DNAH3: variants seen among roughly 807,000 people sequenced by gnomAD.
The protein encoded by DNAH3 is dynein axonemal heavy chain 3.
DNAH3 carries 332 observed loss-of-function variants against 432.5 expected under a neutral mutation model. The observed-to-expected ratio is 0.77, with a 90% confidence interval of 0.70 to 0.84. The LOEUF is 0.84. Among genes scored for constraint, DNAH3 ranks in the 40% least tolerant of loss-of-function variants. DNAH3 has a pLI of 0.00. For missense variants in DNAH3, 4,861 were observed against 5,114.0 expected (o/e 0.95, Z 1.51); for synonymous variants, 1,956 against 1,900.2 (o/e 1.03, Z -0.76).
chr16:20,997,203 C>T, intron 44 of DNAH3, 80 bp downstream of exon 44: 1 of 1,484,476 alleles, frequency 6.7e-7, no homozygotes, highest in Non-Finnish European at 9.2e-7. Context: ...GACTGTGGCA[C>T]ACCAACCCAC....
chr16:21,154,133 G>A (rs143342442), intron 1 of DNAH3, among the ~76,000 whole-genome samples: 1 of 152,236 alleles, frequency 6.6e-6, no homozygotes, highest in Non-Finnish European at 1.5e-5. Context: ...GCCAGGCGCG[G>A]TGGCCCATGC....
rs559680824 is a variant in DNAH3 at position 20,989,458 on chromosome 16, C to G, written c.6602-1393G>C. The stretch of plus-strand genomic sequence containing the variant: ...ACCAGAGCAGCTAGATACAGAGTGT[C>G]GATTGGTGCACTCACAAACCTTCAG... On this transcript the variant is annotated intron_variant, in intron 44 of 61. Transcript: ENST00000261383. 6.0e-3 allele frequency among the ~76,000 whole-genome samples: 894 copies of G among 148,066 alleles called. 10 individuals carry two copies. Among genetic ancestry groups the G allele is most frequent in the African/African-American group, 0.021 (844 of 40,030 alleles).
At chr16:21,099,504 A>G (rs1466590481) in intron 16 of DNAH3, among the ~76,000 whole-genome samples, 1 of 152,214 alleles carries the variant, frequency 6.6e-6, no homozygotes, top group African/African-American at 2.4e-5. Flanking sequence ...GCAGGTCTCA[A>G]TGAGAACTGC....
intron 41 of DNAH3, among the ~76,000 whole-genome samples, chr16:21,013,184 C>A (rs959783977): frequency 2.0e-5 from 3 of 151,972 alleles, no homozygotes; most frequent in Non-Finnish European, 2.9e-5. Flanking sequence ...ATGAAATTGA[C>A]AACAGGAAAT....
chr16:21,108,347 T>C (rs1397557717), intron 14 of DNAH3, among the ~76,000 whole-genome samples: 4 of 152,190 alleles, frequency 2.6e-5, no homozygotes, highest in African/African-American at 4.8e-5. Context: ...TGGATAAGGA[T>C]GAATGCACTG....
At chr16:21,038,977 A>C (rs1744857704) in intron 33 of DNAH3, among the ~76,000 whole-genome samples, 1 of 152,218 alleles carries the variant, frequency 6.6e-6, no homozygotes, top group South Asian at 2.1e-4. Context: ...AAAATTTGGA[A>C]TAGATCAATA....
chr16:21,042,367 G>A (rs1422986500), intron 31 of DNAH3, among the ~76,000 whole-genome samples, 164 bp from the exon 32 acceptor site: 5 of 152,112 alleles, frequency 3.3e-5, no homozygotes, highest in Non-Finnish European at 7.4e-5. Context: ...TAAGAAAAAA[G>A]AATATAGGTT....
At chr16:20,985,416 A>G in exon 48 of DNAH3, 3 of 1,614,136 alleles carry the variant, frequency 1.9e-6, no homozygotes, top group South Asian at 2.2e-5. Context: ...GTTTGGCGGC[A>G]CTTTGCCGCC....
intron 24 of DNAH3, 191 bp from the exon 25 acceptor site, chr16:21,062,874 G>A (rs1421407293): frequency 1.7e-6 from 1 of 587,862 alleles, no homozygotes; most frequent in Non-Finnish European, 3.0e-6. Flanking sequence ...TTTCTTAAGA[G>A]ATGAGGTCTT....
At chr16:21,128,367 A>G (rs1367151756) in intron 7 of DNAH3, among the ~76,000 whole-genome samples, 5 of 151,088 alleles carry the variant, frequency 3.3e-5, no homozygotes, top group African/African-American at 1.2e-4. Flanking sequence ...CTGGCAATAT[A>G]GTGAGACATC....
chr16:21,111,627 T>G, exon 14 of DNAH3: 1 of 1,609,600 alleles, frequency 6.2e-7, no homozygotes, highest in Non-Finnish European at 8.5e-7. Context: ...TTACAATACC[T>G]GGTATTGGTG....
At chr16:21,106,177 T>TAAAAA (rs767198150) in intron 15 of DNAH3, among the ~76,000 whole-genome samples, 1 of 97,570 alleles carries the variant, frequency 1.0e-5, no homozygotes, top group Non-Finnish European at 2.0e-5. Context: ...AGACTCCATC[T>TAAAAA]AAAAAAAAAA....
intron 41 of DNAH3, among the ~76,000 whole-genome samples, chr16:21,008,575 G>A (rs902552906): frequency 6.6e-6 from 1 of 152,058 alleles, no homozygotes; most frequent in Admixed American, 6.6e-5. Context: ...AAAACCTGGC[G>A]TTTTTTCCCA....
intron 40 of DNAH3, among the ~76,000 whole-genome samples, chr16:21,021,683 G>T (rs542373277): frequency 6.6e-6 from 1 of 152,248 alleles, no homozygotes; most frequent in South Asian, 2.1e-4. Flanking sequence ...GCAGAGGCAG[G>T]TGGAACACTT....
intron 41 of DNAH3, among the ~76,000 whole-genome samples, chr16:21,009,627 C>T (rs1490224809): frequency 6.6e-6 from 1 of 152,108 alleles, no homozygotes; most frequent in African/African-American, 2.4e-5. Context: ...GCCTATAATT[C>T]CAGCACTTTG....
At chr16:20,986,952 A>AT (rs1419367173) in intron 47 of DNAH3, among the ~76,000 whole-genome samples, 2 of 152,212 alleles carry the variant, frequency 1.3e-5, no homozygotes, top group Non-Finnish European at 2.9e-5. Context: ...CTTGAGCTTT[A>AT]TAGGACCTCA....
At chr16:20,939,999 G>T (rs1350936784) in intron 59 of DNAH3, among the ~76,000 whole-genome samples, 1 of 152,210 alleles carries the variant, frequency 6.6e-6, no homozygotes, top group African/African-American at 2.4e-5. Context: ...AGAATACAAG[G>T]CCAGAGATCC....
chr16:21,128,925 C>T (rs1409093258), intron 7 of DNAH3, among the ~76,000 whole-genome samples: 2 of 151,928 alleles, frequency 1.3e-5, no homozygotes, highest in East Asian at 1.9e-4. Context: ...CCTCTAACTC[C>T]TGTCACTGTG....
At chr16:20,984,094 G>T (rs1374126994) in intron 48 of DNAH3, among the ~76,000 whole-genome samples, 2 of 151,702 alleles carry the variant, frequency 1.3e-5, no homozygotes, top group African/African-American at 4.8e-5. Context: ...AGGATACAGA[G>T]GACAGTCTGG....
Sources: gnomAD v4.1 joint callset for allele counts (sites outside exome capture counted in the v4.1 genomes callset) on GRCh38, gnomAD v4.1.1 for gene constraint, MANE v1.5 for transcripts, NCBI Gene and HGNC (gene_info 2026-07-23, HGNC 2026-07-21) for gene names.